The following MIF4GD variants were observed in gnomAD, a reference collection of about 807,000 sequenced individuals.
The protein encoded by MIF4GD is MIF4G domain containing, also known as MIF4G domain-containing protein.
MIF4GD carries 22 observed loss-of-function variants against 26.7 expected under a neutral mutation model. That is an observed-to-expected ratio of 0.82 (90% CI 0.59 to 1.18). The LOEUF is 1.18. Among genes scored for constraint, MIF4GD ranks in the 50% most tolerant of loss-of-function variants. The pLI is 0.00. For synonymous variants in MIF4GD, 137 were observed against 111.6 expected (o/e 1.23, Z -1.43); for missense variants, 262 against 279.6 (o/e 0.94, Z 0.45).
At position 75,266,241 on chromosome 17, in the gene MIF4GD, A is replaced by G. The variant is rs866784852; in HGVS notation, c.*499T>C. ...TAAAGGAAGCAGTTTTAGTATCAGA[A>G]AAGATTTATTAGAAAATTCTCACGC... On this transcript the variant is annotated 3_prime_UTR_variant, in exon 6 of 6. Transcript: ENST00000325102. 4.4e-5 allele frequency: 18 copies of G among 412,582 alleles called. No individual in the cohort carries two copies. Among genetic ancestry groups the G allele is most frequent in the African/African-American group, 2.0e-4 (10 of 49,682 alleles). 25.6% of individuals were successfully genotyped at this position (412,582 alleles called of 1,614,324 possible). A position where few individuals can be genotyped will look rare whatever the true frequency, so the allele number is the denominator to read the frequency against.
In MIF4GD at chr17:75,266,976, GAC is replaced by G. The variant is rs2077508771; in HGVS notation, c.442-11_442-10del. On this transcript the variant is annotated splice_polypyrimidine_tract_variant and intron_variant, in intron 5 of 5. Coordinates refer to ENST00000325102, the MANE Select transcript of MIF4GD (RefSeq NM_001370592.1). Reference sequence around the variant, plus strand: ...AGCACCAAACAGTCCACCTGCAGGCGACAGTGTGGGTAACACAAGTGAACTGG... The same window carrying G: ...AGCACCAAACAGTCCACCTGCAGGCGAGTGTGGGTAACACAAGTGAACTGG... 1 of 1,610,088 alleles carries G rather than the reference GAC, an allele frequency of 6.2e-7. No individual in the cohort carries two copies.
rs1407724887 is a variant in MIF4GD, at chr17:75,267,643, G to A, written c.349-13C>T. The A allele has an allele frequency of 6.2e-7, 1 of 1,614,066 alleles. No individual in the cohort carries two copies. The stretch of plus-strand genomic sequence containing the variant: ...GCATGTTGTTCACCTGTGAGGAAGA[G>A]GAGGGGTCAGAGCACCAGGCTTAGT... On this transcript the variant is annotated splice_polypyrimidine_tract_variant and intron_variant, in intron 4 of 5. Coordinates refer to ENST00000325102, the MANE Select transcript of MIF4GD (RefSeq NM_001370592.1).
At chr17:75,269,578 T>TTTTTTTG in intron 2 of MIF4GD, 1 of 512,360 alleles carries the variant, frequency 2.0e-6, no homozygotes. Flanking sequence ...TTTTTTTTTT[T>TTTTTTTG]GAGACAGGGT....
chr17:75,268,768 C>T (rs868766395), intron 2 of MIF4GD, among the ~76,000 whole-genome samples: 12 of 151,476 alleles, frequency 7.9e-5, no homozygotes, highest in African/African-American at 1.2e-4. Flanking sequence ...GAGGCTGAGG[C>T]GGGTGGATCA....
chr17:75,269,767 G>A (rs1483193357), intron 2 of MIF4GD, among the ~76,000 whole-genome samples: 6 of 113,580 alleles, frequency 5.3e-5, no homozygotes, highest in African/African-American at 1.6e-4. Context: ...TTGTAGAGAT[G>A]GGGTTTACAC....
intron 2 of MIF4GD, among the ~76,000 whole-genome samples, chr17:75,268,816 C>T (rs2077603709): frequency 6.6e-6 from 1 of 151,672 alleles, no homozygotes; most frequent in South Asian, 2.1e-4. Flanking sequence ...CCAGCCTGGC[C>T]AACATGATGA....
chr17:75,267,654 A>G (rs1366793637), intron 4 of MIF4GD, 24 bp from the exon 5 acceptor site: 3 of 1,614,068 alleles, frequency 1.9e-6, no homozygotes, highest in Non-Finnish European at 2.5e-6. Context: ...GAGGGGTCAG[A>G]GCACCAGGCT....
At chr17:75,268,866 C>T (rs760045055) in intron 2 of MIF4GD, among the ~76,000 whole-genome samples, 8 of 151,052 alleles carry the variant, frequency 5.3e-5, no homozygotes, top group African/African-American at 1.5e-4. Flanking sequence ...AAGCTGGGCA[C>T]GGTGGCGGGC....
chr17:75,267,503 C>T, intron 5 of MIF4GD, 35 bp downstream of exon 5: 1 of 1,604,372 alleles, frequency 6.2e-7, no homozygotes, highest in Non-Finnish European at 8.5e-7. Flanking sequence ...CATCCTGCAG[C>T]CTTCTGTGCT....
chr17:75,268,049 CAAAGCAGCTTCCTT>C lies in MIF4GD; in HGVS notation c.192+20_192+33del. ...CTGCCCACTCCTGAAGCACCTTCCT[CAAAGCAGCTTCCTT>C]TCCTCTCCCAACCCCCAACCTGAAT... On this transcript the variant is annotated intron_variant, in intron 3 of 5. Transcript: ENST00000325102. The C allele has an allele frequency of 3.1e-6, 5 of 1,609,578 alleles. No individual in the cohort carries two copies. Among genetic ancestry groups the C allele is most frequent in the Non-Finnish European group, 4.3e-6 (5 of 1,175,976 alleles).
chr17:75,267,735 C>CG lies in MIF4GD; in HGVS notation c.348+10dup, dbSNP rs2077551065. ...CATGTCTGCCTCCCAGGGTGGCTGC[C>CG]GGGGCCTCACCCTCAGGTAGTCAAA... On this transcript the variant is annotated intron_variant, in intron 4 of 5. Coordinates refer to ENST00000325102, the MANE Select transcript of MIF4GD (RefSeq NM_001370592.1). 3 of 1,611,924 alleles carry CG rather than the reference C, an allele frequency of 1.9e-6. No individual in the cohort carries two copies. Among genetic ancestry groups the CG allele is most frequent in the Non-Finnish European group, 2.5e-6 (3 of 1,178,614 alleles).
At chr17:75,268,260 AG>A (rs2077578024) in intron 2 of MIF4GD, 68 bp from the exon 3 acceptor site, 1 of 1,214,082 alleles carries the variant, frequency 8.2e-7, no homozygotes. Context: ...CCCGCTTCTA[AG>A]AATTTGAGAT....
intron 2 of MIF4GD, 76 bp from the exon 3 acceptor site, chr17:75,268,268 A>G: frequency 9.1e-7 from 1 of 1,104,036 alleles, no homozygotes; most frequent in Middle Eastern, 1.9e-4. Context: ...TAAGAATTTG[A>G]GATATTTACA....
chr17:75,266,641 G>T lies in MIF4GD; in HGVS notation c.*99C>A. The T allele has an allele frequency of 1.8e-6, 2 of 1,116,834 alleles. No individual in the cohort carries two copies. The highest frequency in any genetic ancestry group is 1.4e-6 in the Non-Finnish European group (1 of 739,382). 69.2% of individuals were successfully genotyped at this position (1,116,834 alleles called of 1,614,324 possible). A position where few individuals can be genotyped will look rare whatever the true frequency, so the allele number is the denominator to read the frequency against. ...TAGAAGGGAAGACACTCAAAGTCTG[G>T]AAGGGAAAAGTCTTTGGGTGAGGCA... On this transcript the variant is annotated 3_prime_UTR_variant, in exon 6 of 6. Coordinates refer to ENST00000325102, the MANE Select transcript of MIF4GD (RefSeq NM_001370592.1).
chr17:75,269,038 C>G (rs1470650135), intron 2 of MIF4GD, among the ~76,000 whole-genome samples: 1 of 151,822 alleles, frequency 6.6e-6, no homozygotes, highest in African/African-American at 2.4e-5. Context: ...GTACAGAGGA[C>G]AGTAACCATA....
At position 75,271,187 on chromosome 17, in the gene MIF4GD, G is replaced by C. The variant is rs1033726415; in HGVS notation, c.-94C>G. 6.7e-6 allele frequency: 1 copy of C among 148,916 alleles called. No homozygotes were observed. The highest frequency in any genetic ancestry group is 2.4e-5 in the African/African-American group (1 of 41,078). The allele number at this position is 148,916 out of a possible 1,614,324, so 9.2% of individuals were successfully genotyped here. On this transcript the variant is annotated 5_prime_UTR_variant, in exon 1 of 6. Coordinates refer to ENST00000325102, the MANE Select transcript of MIF4GD (RefSeq NM_001370592.1). This position sits in a 1 kb window ranked among gnomAD's most constrained non-coding sequence, Gnocchi z 4.2. ...GCGCGCGTGCCCGGGGCCGCTCGGC[G>C]CCTGGGAGCGCGCAACCAGCGTCCG... is the stretch of plus-strand genomic sequence containing the variant.
At position 75,268,139 on chromosome 17, in the gene MIF4GD, G is replaced by A; in HGVS notation, c.136C>T (p.Leu46=). The A allele has an allele frequency of 6.2e-7, 1 of 1,614,242 alleles. No individual in the cohort carries two copies. Among genetic ancestry groups the A allele is most frequent in the Non-Finnish European group, 8.5e-7 (1 of 1,180,042 alleles). The change falls in exon 3 of 6, where the codon CTG becomes TTG. Residue 46 remains leucine (L), a synonymous_variant. Transcript: ENST00000325102. ...TCCTTGCTGAACACACAGTCCTGCA[G>A]AGAATGGTCCACAATCACATTGGCC... ...KVANVIVDHS[L]QDCVFSKEAG...
At position 75,269,403 on chromosome 17, in the gene MIF4GD, C is replaced by T. The variant is rs1567824793; in HGVS notation, c.82+711G>A. ...CAGGCGAGAGCAATTACTATAGCTC[C>T]TCTGGCAAACGGAATATTCTCCATC... On this transcript the variant is annotated intron_variant, in intron 2 of 5. Transcript: ENST00000325102. The T allele has an allele frequency of 3.7e-6, 6 of 1,614,026 alleles. No homozygotes were observed. The Admixed American group carries it at 8.3e-5, about 22-fold the overall frequency.
chr17:75,266,403 A>AT lies in MIF4GD; in HGVS notation c.*336dup, dbSNP rs1430844502. 2.4e-6 allele frequency: 1 copy of AT among 413,396 alleles called. No individual in the cohort carries two copies. The highest frequency in any genetic ancestry group is 4.5e-6 in the Non-Finnish European group (1 of 220,594). 25.6% of individuals were successfully genotyped at this position (413,396 alleles called of 1,614,324 possible). On this transcript the variant is annotated 3_prime_UTR_variant, in exon 6 of 6. Coordinates refer to ENST00000325102, the MANE Select transcript of MIF4GD (RefSeq NM_001370592.1). ...TTGTGCTCTGCCTCCACCCCTTGAC[A>AT]TCCCAAAATATCCCACCAGTGGCTA...
Sources: allele counts gnomAD v4.1 joint callset (sites outside exome capture counted in the v4.1 genomes callset), GRCh38; gene constraint gnomAD v4.1.1; non-coding constraint Gnocchi (gnomAD v3.1); transcripts MANE v1.5; gene names NCBI Gene and HGNC (gene_info 2026-07-23, HGNC 2026-07-21).